Variants in NAA11 observed in about 807,000 individuals in gnomAD.
NAA11 encodes the protein N-alpha-acetyltransferase 11.
Under a neutral mutation model 16.1 loss-of-function variants are expected in NAA11, and 15 were observed. The ratio of observed to expected loss-of-function variants is 0.93; its 90% CI spans 0.62 to 1.44. NAA11 has a LOEUF of 1.44. Among genes scored for constraint, NAA11 ranks in the 40% most tolerant of loss-of-function variants. The pLI, the probability that NAA11 is intolerant of heterozygous loss-of-function variation, is 0.00. For synonymous variants in NAA11, 122 were observed against 112.4 expected (o/e 1.09, Z -0.54); for missense variants, 298 against 291.3 (o/e 1.02, Z -0.17).
the NAA11 span, among the ~76,000 whole-genome samples, chr4:79,170,893 T>C: frequency 1.3e-5 from 2 of 151,366 alleles, no homozygotes; most frequent in Non-Finnish European, 2.9e-5. Flanking sequence ...GAGATGGCTA[T>C]GTAAAGTAAT....
chr4:79,244,967 C>T (rs910446912), intron 2 of NAA11: 10 of 168,046 alleles, frequency 6.0e-5, no homozygotes, highest in African/African-American at 1.2e-4. Context: ...GGCGTGATCT[C>T]GGCTCGCTAA....
At chr4:79,302,916 C>T (rs1723433496) in intron 1 of NAA11, among the ~76,000 whole-genome samples, 1 of 151,698 alleles carries the variant, frequency 6.6e-6, no homozygotes, top group African/African-American at 2.4e-5. Context: ...TTAGATAAGA[C>T]AGAAATAAAA....
chr4:79,249,627 A>T (rs1186964793), intron 2 of NAA11, among the ~76,000 whole-genome samples: 1 of 152,242 alleles, frequency 6.6e-6, no homozygotes, highest in African/African-American at 2.4e-5. Flanking sequence ...TAAAAATGCC[A>T]AAAGAGAGGC....
At chr4:79,185,755 T>C in the NAA11 span, among the ~76,000 whole-genome samples, 1 of 152,178 alleles carries the variant, frequency 6.6e-6, no homozygotes, top group East Asian at 1.9e-4. Flanking sequence ...ATTCCATCTG[T>C]GGACTTTTAA....
chr4:79,179,847 A>T, the NAA11 span, among the ~76,000 whole-genome samples: 1 of 152,172 alleles, frequency 6.6e-6, no homozygotes, highest in South Asian at 2.1e-4. Context: ...GGTTTAATTG[A>T]CTCACAGTTC....
intron 2 of NAA11, among the ~76,000 whole-genome samples, chr4:79,280,203 T>C (rs868087867): frequency 4.6e-5 from 7 of 152,036 alleles, no homozygotes; most frequent in Middle Eastern, 3.4e-3. Context: ...ACAATGATGA[T>C]TGAAATCAGG....
At chr4:79,289,873 C>A (rs781690737) in intron 2 of NAA11, among the ~76,000 whole-genome samples, 2 of 152,088 alleles carry the variant, frequency 1.3e-5, no homozygotes, top group Non-Finnish European at 2.9e-5. Flanking sequence ...TGATAATAAA[C>A]AGTAGGTCTC....
In NAA11 at chr4:79,325,566, G is replaced by A. The variant is rs754463892; in HGVS notation, c.312C>T (p.Ala104=). ...TCCTGACGTGCAGAGACACGTATTT[G>A]GCGTTAAAGTTCTCTATCATGGCCC... ...ASRAMIENFN[A]KYVSLHVRKS... is the part of the protein sequence containing the mutation. Residue 104 remains alanine, a synonymous_variant, in exon 1 of 2, where the codon GCC becomes GCT. Transcript: ENST00000286794. The A allele has an allele frequency of 6.2e-7, 1 of 1,614,112 alleles. No homozygotes were observed. Among genetic ancestry groups the A allele is most frequent in the South Asian group, 1.1e-5 (1 of 91,082 alleles).
At chr4:79,232,471 A>C (rs1305681619) in intron 2 of NAA11, among the ~76,000 whole-genome samples, 10 of 151,944 alleles carry the variant, frequency 6.6e-5, no homozygotes, top group African/African-American at 1.2e-4. Context: ...TCAGAAGCAC[A>C]TAAAGCTTCA....
intron 2 of NAA11, among the ~76,000 whole-genome samples, chr4:79,254,812 A>G (rs1722071941): frequency 6.6e-6 from 1 of 152,042 alleles, no homozygotes; most frequent in Admixed American, 6.6e-5. Flanking sequence ...ATTTTAGTCA[A>G]ATATTTACAT....
At chr4:79,257,654 TA>T (rs1405696706) in intron 2 of NAA11, among the ~76,000 whole-genome samples, 2 of 152,176 alleles carry the variant, frequency 1.3e-5, no homozygotes, top group African/African-American at 2.4e-5. Flanking sequence ...GTTTGATCTT[TA>T]TTTCAAAAGC....
chr4:79,223,910 A>G (rs1420113743), downstream of NAA11, among the ~76,000 whole-genome samples: 1 of 152,196 alleles, frequency 6.6e-6, no homozygotes, highest in Non-Finnish European at 1.5e-5. Flanking sequence ...CAGTATGCAT[A>G]GAAATTCTCA....
intron 2 of NAA11, among the ~76,000 whole-genome samples, chr4:79,284,174 T>C (rs1722858365): frequency 6.6e-6 from 1 of 152,104 alleles, no homozygotes; most frequent in African/African-American, 2.4e-5. Context: ...AGCTCAACTT[T>C]TATCCAACTC....
intron 2 of NAA11, among the ~76,000 whole-genome samples, chr4:79,281,232 C>T (rs886572767): frequency 6.6e-6 from 1 of 151,378 alleles, no homozygotes; most frequent in Non-Finnish European, 1.5e-5. Context: ...TTAACTATTA[C>T]ATTCTACTGC....
At chr4:79,181,973 T>C in the NAA11 span, among the ~76,000 whole-genome samples, 1 of 152,256 alleles carries the variant, frequency 6.6e-6, no homozygotes, top group African/African-American at 2.4e-5. Flanking sequence ...AGTCATTTCT[T>C]GTGTTTTCTG....
chr4:79,184,432 C>A, the NAA11 span, among the ~76,000 whole-genome samples: 1 of 152,052 alleles, frequency 6.6e-6, no homozygotes, highest in Non-Finnish European at 1.5e-5. Flanking sequence ...GCTAAAAGGG[C>A]AATTTTCTCC....
Position 79,325,643 on chromosome 4 carries a change from G to C in NAA11, c.235C>G (p.Arg79Gly), listed in dbSNP as rs376963032. ...HGHITSLAVK[R>G]SHRRLGLAQK... is the part of the protein sequence containing the mutation. ...GCCAGGCCGAGGCGCCGGTGTGAAC[G>C]CTTCACGGCCAGTGAGGTGATATGG... The change falls in exon 1 of 2, where the codon CGT becomes GGT. Residue 79 changes from arginine to glycine, a missense_variant. Transcript: ENST00000286794. The C allele has an allele frequency of 1.7e-5, 27 of 1,613,946 alleles. No individual in the cohort carries two copies. The highest frequency in any genetic ancestry group is 2.3e-5 in the Non-Finnish European group (27 of 1,179,958).
At chr4:79,315,452 G>C (rs1203465955), downstream of NAA11, among the ~76,000 whole-genome samples, 1 of 152,088 alleles carries the variant, frequency 6.6e-6, no homozygotes, top group Non-Finnish European at 1.5e-5. Context: ...GAACTCACAG[G>C]CTTCATTCAC....
At chr4:79,301,298 C>A (rs1208065341) in intron 1 of NAA11, among the ~76,000 whole-genome samples, 1 of 152,112 alleles carries the variant, frequency 6.6e-6, no homozygotes, top group African/African-American at 2.4e-5. Context: ...GCTTCTCTAC[C>A]TTGTTGAAAT....
Sources: gnomAD v4.1 joint callset for allele counts (sites outside exome capture counted in the v4.1 genomes callset) on GRCh38, gnomAD v4.1.1 for gene constraint, MANE v1.5 for transcripts, NCBI Gene and HGNC (gene_info 2026-07-23, HGNC 2026-07-21) for gene names.